The following GRM4 variants were observed in gnomAD, a reference collection of about 807,000 sequenced individuals.
GRM4 encodes the protein metabotropic glutamate receptor 4.
GRM4 carries 28 observed loss-of-function variants against 81.7 expected under a neutral mutation model. The observed-to-expected ratio is 0.34, with a 90% CI of 0.25 to 0.47. The LOEUF (loss-of-function observed/expected upper bound fraction) is 0.47, where lower values mean the gene tolerates loss of function less well. Among genes scored for constraint, GRM4 ranks in the 20% least tolerant of loss-of-function variants. GRM4 has a pLI of 1.00. For synonymous variants in GRM4, 488 were observed against 528.8 expected, an observed-to-expected ratio of 0.92 and a Z score of 1.06; for missense variants, 948 against 1,290.0, an observed-to-expected ratio of 0.73 and a Z score of 4.06.
chr6:34,145,063 C>T (rs1316679630), intron 1 of GRM4, among the ~76,000 whole-genome samples: 1 of 152,100 alleles, frequency 6.6e-6, no homozygotes, highest in Non-Finnish European at 1.5e-5. Context: ...TCCCCTCTGT[C>T]GGTCCCCCTC....
chr6:34,035,019 C>T lies in GRM4; in HGVS notation c.2442+649G>A, dbSNP rs1764617214. The stretch of plus-strand genomic sequence containing the variant: ...AGGGAAGGAAAGGCCCTCTGCCAGC[C>T]CCTAGCCTTTAGGCTTCCAGGGCAG... On this transcript the variant is annotated intron_variant, in intron 9 of 10. Transcript: ENST00000538487. The surrounding 1 kb of genome is among the most constrained non-coding windows in gnomAD (Gnocchi z 6.6). Among the ~76,000 whole-genome samples the T allele has an allele frequency of 6.6e-6, 1 of 152,318 alleles. No individual in the cohort carries two copies. Among genetic ancestry groups the T allele is most frequent in the South Asian group, 2.1e-4 (1 of 4,828 alleles).
intron 2 of GRM4, chr6:34,099,914 C>T: frequency 3.7e-6 from 1 of 268,624 alleles, no homozygotes; most frequent in Non-Finnish European, 5.7e-6. Flanking sequence ...TCCCCAACAC[C>T]CGCCAGAGCC....
intron 3 of GRM4, among the ~76,000 whole-genome samples, chr6:34,071,606 C>CAGAGAT (rs1766864792): frequency 6.8e-6 from 1 of 147,166 alleles, no homozygotes; most frequent in African/African-American, 2.5e-5. Context: ...ATACATACCA[C>CAGAGAT]ACACACCCAT....
In GRM4 at chr6:34,152,556, C is replaced by T. The variant is rs7756506; in HGVS notation, c.312+2523G>A. Among the ~76,000 whole-genome samples the T allele has an allele frequency of 0.51, 78,107 of 151,710 alleles. 20,286 individuals are homozygous for T. Among genetic ancestry groups the T allele is most frequent in the Non-Finnish European group, 0.54 (36,997 of 67,900 alleles). ...CCTCCTCCTCCTCTTCAGCTTTCTC[C>T]CTCTCTTCCTGTACCCACCTCCCAG... On this transcript the variant is annotated intron_variant, in intron 1 of 8. Transcript: ENST00000374177. This position sits in a 1 kb window ranked among gnomAD's most constrained non-coding sequence, Gnocchi z 4.1.
At position 34,036,340 on chromosome 6, in the gene GRM4, C is replaced by T. The variant is rs1764709836; in HGVS notation, c.1770G>A (p.Leu590=). ...KLEWGSPWAV[L]PLFLAVVGIA... ...TGCCCACCACGGCCAGGAAGAGGGG[C>T]AGCACGGCCCAGGGCGAGCCCCACT... Residue 590 remains leucine, a synonymous_variant, in exon 9 of 11, where the codon CTG becomes CTA. Coordinates refer to ENST00000538487, the MANE Select transcript of GRM4 (RefSeq NM_000841.4). The surrounding 1 kb of genome is among the most constrained non-coding windows in gnomAD (Gnocchi z 9.0). The T allele has an allele frequency of 6.2e-7, 1 of 1,613,890 alleles. No homozygotes were observed. The highest frequency in any genetic ancestry group is 1.1e-5 in the South Asian group (1 of 91,068).
At chr6:34,098,380 C>T (rs1389476942) in intron 2 of GRM4, among the ~76,000 whole-genome samples, 1 of 152,204 alleles carries the variant, frequency 6.6e-6, no homozygotes, top group African/African-American at 2.4e-5. Flanking sequence ...GCATGCCCTC[C>T]AGGCCTCCAG....
intron 1 of GRM4, among the ~76,000 whole-genome samples, chr6:34,145,425 C>A (rs570849874): frequency 7.9e-5 from 12 of 152,152 alleles, no homozygotes; most frequent in African/African-American, 2.9e-4. Flanking sequence ...GCGGGAGAGG[C>A]GGCAAGAGGA....
At chr6:34,023,564 C>T (rs1225904951) in intron 10 of GRM4, among the ~76,000 whole-genome samples, 1 of 152,162 alleles carries the variant, frequency 6.6e-6, no homozygotes, top group Non-Finnish European at 1.5e-5. Flanking sequence ...AGCACCTACC[C>T]TTTCTACTTC....
At chr6:34,100,768 G>C (rs1443232044) in intron 2 of GRM4, among the ~76,000 whole-genome samples, 1 of 152,250 alleles carries the variant, frequency 6.6e-6, no homozygotes, top group African/African-American at 2.4e-5. Flanking sequence ...TGGACAATGA[G>C]CTGAAAGCAG....
At chr6:34,037,922 G>A (rs1036879257) in intron 8 of GRM4, among the ~76,000 whole-genome samples, 1 of 151,782 alleles carries the variant, frequency 6.6e-6, no homozygotes, top group Non-Finnish European at 1.5e-5. Context: ...GGGATGCCTC[G>A]TGGCAAGGTA....
chr6:34,072,104 CCA>C (rs148378602), intron 3 of GRM4, among the ~76,000 whole-genome samples: 2 of 6,566 alleles, frequency 3.0e-4, no homozygotes, highest in African/African-American at 1.2e-3. Context: ...TCACCACCCA[CCA>C]CAGATACACA....
chr6:34,076,596 T>G (rs1219997096), intron 3 of GRM4, among the ~76,000 whole-genome samples: 1 of 152,186 alleles, frequency 6.6e-6, no homozygotes, highest in African/African-American at 2.4e-5. Flanking sequence ...TCAGCTGGCC[T>G]TGGTGGAGGG....
intron 1 of GRM4, among the ~76,000 whole-genome samples, chr6:34,135,162 T>A (rs932261590): frequency 6.6e-6 from 1 of 152,116 alleles, no homozygotes; most frequent in African/African-American, 2.4e-5. Context: ...GGTCCCTCCA[T>A]CAAGACCAAG....
At chr6:34,045,702 G>A (rs1765332527) in intron 6 of GRM4, among the ~76,000 whole-genome samples, 1 of 152,220 alleles carries the variant, frequency 6.6e-6, no homozygotes, top group African/African-American at 2.4e-5. Context: ...AGGTGGCAGT[G>A]AAGAGAAAGG....
At chr6:34,088,365 G>A (rs1375336715) in intron 3 of GRM4, among the ~76,000 whole-genome samples, 1 of 152,052 alleles carries the variant, frequency 6.6e-6, no homozygotes, top group Non-Finnish European at 1.5e-5. Context: ...CTCGTGATCC[G>A]CCTGCCTCGG....
chr6:34,091,308 A>G (rs1490574928), intron 3 of GRM4, among the ~76,000 whole-genome samples: 1 of 152,182 alleles, frequency 6.6e-6, no homozygotes, highest in Non-Finnish European at 1.5e-5. Context: ...AGCACGCTTA[A>G]TGGGGGAAGA....
intron 9 of GRM4, 69 bp from the exon 10 acceptor site, chr6:34,028,435 C>A: frequency 6.5e-7 from 1 of 1,533,318 alleles, no homozygotes; most frequent in South Asian, 1.2e-5. Flanking sequence ...CCGCCAGTTC[C>A]CACCCAGGGA....
Position 34,100,530 on chromosome 6 carries a change from C to T in GRM4, c.520-8431G>A, listed in dbSNP as rs115203635. On this transcript the variant is annotated intron_variant, in intron 2 of 10. Transcript: ENST00000538487. ...TACACTCTCCCAGCATCCACTCATG[C>T]TCCTCCAAAGCTCTGTCAGGCCATT... Among the ~76,000 whole-genome samples the T allele has an allele frequency of 7.7e-3, 1,168 of 152,338 alleles. 13 individuals carry two copies. Among genetic ancestry groups the T allele is most frequent in the Middle Eastern group, 0.014 (4 of 294 alleles).
intron 2 of GRM4, among the ~76,000 whole-genome samples, chr6:34,132,277 G>A (rs1389001487): frequency 1.3e-5 from 2 of 152,018 alleles, no homozygotes; most frequent in Admixed American, 6.5e-5. Context: ...AGGGCCCAGG[G>A]CACCAGAAAC....
Sources: gnomAD v4.1 joint callset for allele counts (sites outside exome capture counted in the v4.1 genomes callset) on GRCh38, gnomAD v4.1.1 for gene constraint, Gnocchi (gnomAD v3.1) non-coding constraint, MANE v1.5 for transcripts, NCBI Gene and HGNC (gene_info 2026-07-23, HGNC 2026-07-21) for gene names.